Variants in PACRG observed in about 807,000 individuals in gnomAD.
The protein encoded by PACRG is parkin coregulated gene protein.
PACRG carries 29 observed loss-of-function variants against 29.7 expected under a neutral mutation model. That is an observed-to-expected ratio of 0.98 (90% CI 0.73 to 1.33). PACRG has a LOEUF of 1.33. PACRG is among the 40% of genes most tolerant of loss of function. The pLI is 0.00. For synonymous variants in PACRG, 116 were observed against 118.7 expected, an observed-to-expected ratio of 0.98 and a Z score of 0.15; for missense variants, 279 against 316.2, an observed-to-expected ratio of 0.88 and a Z score of 0.89.
chr6:163,299,435 A>G (rs956604177), intron 4 of PACRG, among the ~76,000 whole-genome samples: 1 of 152,166 alleles, frequency 6.6e-6, no homozygotes, highest in Admixed American at 6.5e-5. Context: ...CCCTGCAGCC[A>G]GAGCCTACCT....
At chr6:162,780,788 G>T (rs141494078) in intron 1 of PACRG, among the ~76,000 whole-genome samples, 1 of 151,990 alleles carries the variant, frequency 6.6e-6, no homozygotes, top group African/African-American at 2.4e-5. Flanking sequence ...TCAAAGGCAC[G>T]TTAGATATTG....
chr6:163,228,776 C>T (rs941045810), intron 4 of PACRG, among the ~76,000 whole-genome samples: 61 of 152,032 alleles, frequency 4.0e-4, no homozygotes, highest in African/African-American at 1.4e-3. Flanking sequence ...GCACAGTGAC[C>T]AACATTTGGA....
chr6:163,207,912 A>G (rs1179368653), intron 4 of PACRG, among the ~76,000 whole-genome samples: 1 of 152,232 alleles, frequency 6.6e-6, no homozygotes, highest in Non-Finnish European at 1.5e-5. Context: ...TTAGAAAGAA[A>G]GGCAAGCTCT....
At chr6:162,897,061 C>A (rs1363453638) in intron 2 of PACRG, among the ~76,000 whole-genome samples, 1 of 152,178 alleles carries the variant, frequency 6.6e-6, no homozygotes, top group African/African-American at 2.4e-5. Context: ...CAACAAGGAA[C>A]TAACGATAAA....
intron 4 of PACRG, among the ~76,000 whole-genome samples, chr6:163,237,201 A>G (rs62427961): frequency 0.25 from 37,593 of 152,032 alleles, 5,402 homozygotes; most frequent in Middle Eastern, 0.36. Context: ...AATATATATC[A>G]GTGGTTTGAT....
chr6:162,790,109 T>C (rs1302408308), intron 1 of PACRG, among the ~76,000 whole-genome samples: 1 of 152,208 alleles, frequency 6.6e-6, no homozygotes, highest in African/African-American at 2.4e-5. Context: ...ATCTAAATGA[T>C]GTTTAAGTGT....
chr6:162,838,757 C>A (rs1444903331), intron 2 of PACRG, among the ~76,000 whole-genome samples: 1 of 124,916 alleles, frequency 8.0e-6, no homozygotes, highest in African/African-American at 3.0e-5. Flanking sequence ...CCCACCCCAC[C>A]ACAGTCCCCA....
At chr6:163,110,537 G>T (rs1467832551) in intron 4 of PACRG, among the ~76,000 whole-genome samples, 3 of 152,194 alleles carry the variant, frequency 2.0e-5, no homozygotes, top group Non-Finnish European at 4.4e-5. Flanking sequence ...CAAACTTCAG[G>T]CCAGGCAGGA....
At chr6:163,005,513 A>G (rs1348275947) in intron 2 of PACRG, among the ~76,000 whole-genome samples, 1 of 151,846 alleles carries the variant, frequency 6.6e-6, no homozygotes, top group Non-Finnish European at 1.5e-5. Flanking sequence ...CTCAGTTAAA[A>G]TACTTAAAAA....
chr6:163,020,300 G>A (rs1687424800), intron 2 of PACRG, among the ~76,000 whole-genome samples: 1 of 152,094 alleles, frequency 6.6e-6, no homozygotes, highest in South Asian at 2.1e-4. Context: ...CAGTTACAGG[G>A]AACAGAGGAA....
rs368994633 is a variant in PACRG, at chr6:163,280,904, G to T, written c.614-33923G>T. Reference sequence around the variant, plus strand: ...TATGAATTTGGGGAACACAAACATTGGTTTATAACACATGTAAACCACAAC... The same window carrying T: ...TATGAATTTGGGGAACACAAACATTTGTTTATAACACATGTAAACCACAAC... On this transcript the variant is annotated intron_variant, in intron 4 of 4. Transcript: ENST00000366888. Among the ~76,000 whole-genome samples the T allele has an allele frequency of 1.6e-3, 241 of 152,252 alleles. 8 individuals carry two copies. The South Asian group carries it at 0.045, about 28-fold the overall frequency.
intron 4 of PACRG, among the ~76,000 whole-genome samples, chr6:163,306,955 T>C (rs1785215583): frequency 6.6e-6 from 1 of 152,252 alleles, no homozygotes; most frequent in African/African-American, 2.4e-5. Context: ...AACCTGCCCA[T>C]AGTTAAATAG....
intron 4 of PACRG, among the ~76,000 whole-genome samples, chr6:163,110,693 C>G (rs1815665876): frequency 6.6e-6 from 1 of 152,228 alleles, no homozygotes; most frequent in African/African-American, 2.4e-5. Flanking sequence ...TCACCTTCCT[C>G]TAGCAGCCCC....
chr6:163,243,828 G>T (rs956400956), intron 4 of PACRG, among the ~76,000 whole-genome samples: 1 of 151,758 alleles, frequency 6.6e-6, no homozygotes, highest in Non-Finnish European at 1.5e-5. Context: ...TTTCACCTGG[G>T]TCTCCAAGGC....
intron 1 of PACRG, among the ~76,000 whole-genome samples, chr6:162,767,452 T>A (rs1012948916): frequency 5.3e-5 from 8 of 151,894 alleles, no homozygotes; most frequent in Admixed American, 3.9e-4. Flanking sequence ...ATATATCTAT[T>A]TCAGCTTTCT....
chr6:162,993,146 G>T (rs1266285825), intron 2 of PACRG, among the ~76,000 whole-genome samples: 5 of 151,226 alleles, frequency 3.3e-5, no homozygotes, highest in East Asian at 2.0e-4. Context: ...TTGCTGAGGA[G>T]AGCTTTACTT....
intron 4 of PACRG, among the ~76,000 whole-genome samples, chr6:163,173,085 G>A (rs1779164566): frequency 6.6e-6 from 1 of 152,154 alleles, no homozygotes; most frequent in South Asian, 2.1e-4. Context: ...TCTTAGTTGT[G>A]TAAAAATATG....
At chr6:162,889,970 CAT>C (rs1794637015) in intron 2 of PACRG, among the ~76,000 whole-genome samples, 2 of 152,330 alleles carry the variant, frequency 1.3e-5, no homozygotes, top group South Asian at 4.1e-4. Context: ...ATGTGTAACT[CAT>C]AACCTGAAAT....
chr6:163,289,105 C>G (rs1020662023), intron 4 of PACRG, among the ~76,000 whole-genome samples: 1 of 152,188 alleles, frequency 6.6e-6, no homozygotes, highest in Admixed American at 6.5e-5. Context: ...TCGCTGGAAA[C>G]CACACCAACA....
Sources: gnomAD v4.1 joint callset for allele counts (sites outside exome capture counted in the v4.1 genomes callset) on GRCh38, gnomAD v4.1.1 for gene constraint, MANE v1.5 for transcripts, NCBI Gene and HGNC (gene_info 2026-07-23, HGNC 2026-07-21) for gene names.